ADAMTS3: variants seen among roughly 807,000 people sequenced by gnomAD.
The protein encoded by ADAMTS3 is A disintegrin and metalloproteinase with thrombospondin motifs 3.
Under a neutral mutation model 129.0 loss-of-function variants are expected in ADAMTS3, and 73 were observed. The ratio of observed to expected loss-of-function variants is 0.57; its 90% CI spans 0.47 to 0.69. The LOEUF is 0.69. Ranked by LOEUF, ADAMTS3 falls within the 30% of genes least tolerant of loss-of-function variation. The probability of loss-of-function intolerance (pLI) is 0.00; values close to 1 mark genes in which losing one functional copy is unlikely to be tolerated. For synonymous variants in ADAMTS3, 477 were observed against 510.8 expected (o/e 0.93, Z 0.89); for missense variants, 1,457 against 1,514.5 (o/e 0.96, Z 0.63).
chr4:72,423,103 T>C (rs1722487104), intron 3 of ADAMTS3, among the ~76,000 whole-genome samples: 1 of 152,318 alleles, frequency 6.6e-6, no homozygotes, highest in South Asian at 2.1e-4. Context: ...CGTGGTTTTA[T>C]TGCAGTTCTT....
rs1560522185 is a variant in ADAMTS3, at chr4:72,455,948, C to CTATATATATTTTACGTAT, written c.505-40978_505-40977insATACGTAAAATATATATA. Among the ~76,000 whole-genome samples the CTATATATATTTTACGTAT allele has an allele frequency of 2.7e-4, 20 of 73,874 alleles. 2 individuals carry two copies. Among genetic ancestry groups the CTATATATATTTTACGTAT allele is most frequent in the Non-Finnish European group, 9.6e-5 (4 of 41,834 alleles). 48.5% of individuals were successfully genotyped at this position (73,874 alleles called of 152,430 possible). On this transcript the variant is annotated intron_variant, in intron 3 of 21. Coordinates refer to ENST00000286657, the MANE Select transcript of ADAMTS3 (RefSeq NM_014243.3). Reference sequence around the variant, plus strand: ...ATATATTTTATATATAGTATATATACAGTATATATACTATATATATTTTAC... The same window carrying CTATATATATTTTACGTAT: ...ATATATTTTATATATAGTATATATACTATATATATTTTACGTATAGTATATATACTATATATATTTTAC...
At chr4:72,545,182 TA>T (rs1211197313) in intron 3 of ADAMTS3, among the ~76,000 whole-genome samples, 1 of 152,146 alleles carries the variant, frequency 6.6e-6, no homozygotes, top group Admixed American at 6.5e-5. Flanking sequence ...TACAGATTTT[TA>T]AAAAATGAAA....
intron 4 of ADAMTS3, among the ~76,000 whole-genome samples, chr4:72,373,818 T>C (rs1020470299): frequency 6.6e-6 from 1 of 151,906 alleles, no homozygotes; most frequent in Non-Finnish European, 1.5e-5. Flanking sequence ...GAGGATAACT[T>C]GAGCCTGGGA....
chr4:72,435,902 T>G (rs13132453), intron 3 of ADAMTS3, among the ~76,000 whole-genome samples: 101,004 of 151,828 alleles, frequency 0.67, 33,784 homozygotes, highest in South Asian at 0.8. Context: ...TAAAAACCCT[T>G]GAAGAAAACC....
chr4:72,412,042 C>T (rs185624665), intron 4 of ADAMTS3, among the ~76,000 whole-genome samples: 3 of 152,140 alleles, frequency 2.0e-5, no homozygotes, highest in East Asian at 3.9e-4. Context: ...ATGTAGCTAG[C>T]CAATTACTGT....
intron 4 of ADAMTS3, among the ~76,000 whole-genome samples, chr4:72,364,095 C>CA (rs1392199613): frequency 6.6e-6 from 1 of 152,170 alleles, no homozygotes; most frequent in East Asian, 1.9e-4. Context: ...CATGAAAAGT[C>CA]AGGGAACCTA....
intron 3 of ADAMTS3, among the ~76,000 whole-genome samples, chr4:72,503,674 G>T (rs866847223): frequency 6.6e-6 from 1 of 152,164 alleles, no homozygotes; most frequent in African/African-American, 2.4e-5. Flanking sequence ...CTGCCTCAAT[G>T]AGCTTTCTAA....
intron 5 of ADAMTS3, among the ~76,000 whole-genome samples, chr4:72,332,176 T>C (rs937266954): frequency 6.6e-6 from 1 of 152,198 alleles, no homozygotes; most frequent in Non-Finnish European, 1.5e-5. Context: ...TGCATGAATA[T>C]GTATACTTTC....
chr4:72,350,107 T>C (rs1286209731), intron 4 of ADAMTS3, among the ~76,000 whole-genome samples: 2 of 152,052 alleles, frequency 1.3e-5, no homozygotes, highest in Admixed American at 6.6e-5. Context: ...CAAACCTTTT[T>C]TGCATTCAAA....
intron 4 of ADAMTS3, among the ~76,000 whole-genome samples, chr4:72,387,177 G>C (rs1721470060): frequency 6.6e-6 from 1 of 152,184 alleles, no homozygotes; most frequent in African/African-American, 2.4e-5. Flanking sequence ...TCTGTTAGCT[G>C]ATGTAATTAG....
intron 21 of ADAMTS3, 29 bp downstream of exon 21, chr4:72,288,722 G>T: frequency 7.3e-7 from 1 of 1,376,232 alleles, no homozygotes; most frequent in Non-Finnish European, 1.0e-6. Context: ...AAACATCAGA[G>T]CAGTGAAGTC....
chr4:72,535,470 A>G (rs1239754111), intron 3 of ADAMTS3, among the ~76,000 whole-genome samples: 2 of 152,074 alleles, frequency 1.3e-5, no homozygotes, highest in Admixed American at 1.3e-4. Context: ...TCAATCTATA[A>G]ATATCTTCTA....
At chr4:72,448,225 C>T (rs1030847907) in intron 3 of ADAMTS3, among the ~76,000 whole-genome samples, 2 of 151,748 alleles carry the variant, frequency 1.3e-5, no homozygotes, top group African/African-American at 4.8e-5. Flanking sequence ...TTGGTGGATA[C>T]TGCTCGACCT....
chr4:72,298,830 A>T (rs1438931693), intron 17 of ADAMTS3, among the ~76,000 whole-genome samples: 1 of 151,554 alleles, frequency 6.6e-6, no homozygotes, highest in African/African-American at 2.4e-5. Context: ...TAAAATTTTT[A>T]AATTTTTAAA....
At chr4:72,445,030 G>C (rs1020384109) in intron 3 of ADAMTS3, among the ~76,000 whole-genome samples, 2 of 151,590 alleles carry the variant, frequency 1.3e-5, no homozygotes, top group African/African-American at 4.8e-5. Flanking sequence ...AGTGGTTTCT[G>C]AAAGGAGAGG....
At chr4:72,511,951 G>A (rs1389237351) in intron 3 of ADAMTS3, among the ~76,000 whole-genome samples, 1 of 152,164 alleles carries the variant, frequency 6.6e-6, no homozygotes, top group Non-Finnish European at 1.5e-5. Flanking sequence ...ACGAGAGCTT[G>A]TCATTTGCAA....
intron 2 of ADAMTS3, among the ~76,000 whole-genome samples, chr4:72,556,162 C>T (rs1721761076): frequency 7.8e-6 from 1 of 128,438 alleles, no homozygotes. Flanking sequence ...GGAAGTCTAA[C>T]CAATGGCTCT....
chr4:72,333,409 T>C (rs563580995), intron 5 of ADAMTS3, among the ~76,000 whole-genome samples: 1 of 152,302 alleles, frequency 6.6e-6, no homozygotes, highest in African/African-American at 2.4e-5. Flanking sequence ...CCTCAGCCCA[T>C]GGATTCAATA....
rs778320267 is a variant in ADAMTS3 at position 72,431,808 on chromosome 4, C to T, written c.505-16837G>A. ...TTGGTAAAGGGGAAATGGGAAGAGG[C>T]GATACATAAGATTTATATATACTTA... On this transcript the variant is annotated intron_variant, in intron 3 of 21. Transcript: ENST00000286657. Among the ~76,000 whole-genome samples, 5 of 151,572 alleles carry T rather than the reference C, an allele frequency of 3.3e-5. No homozygotes were observed. In the South Asian group the frequency reaches 6.3e-4, roughly 19 times the overall value.
Sources: allele counts gnomAD v4.1 joint callset (sites outside exome capture counted in the v4.1 genomes callset), GRCh38; gene constraint gnomAD v4.1.1; transcripts MANE v1.5; gene names NCBI Gene and HGNC (gene_info 2026-07-23, HGNC 2026-07-21).